The following RUNDC3B variants were observed in gnomAD, a reference collection of about 807,000 sequenced individuals.
The protein encoded by RUNDC3B is RUN domain containing 3B.
RUNDC3B carries 33 observed loss-of-function variants against 58.4 expected under a neutral mutation model. The observed-to-expected ratio is 0.56, with a 90% CI of 0.43 to 0.75. RUNDC3B has a LOEUF of 0.75. RUNDC3B is among the 30% of genes least tolerant of loss of function. The probability of loss-of-function intolerance (pLI) is 0.00; values close to 1 mark genes in which losing one functional copy is unlikely to be tolerated. For synonymous variants in RUNDC3B, 193 were observed against 195.2 expected (o/e 0.99, Z 0.10); for missense variants, 501 against 535.7 (o/e 0.94, Z 0.64).
chr7:87,762,393 A>G (rs1157494632), intron 6 of RUNDC3B, among the ~76,000 whole-genome samples: 2 of 151,356 alleles, frequency 1.3e-5, no homozygotes, highest in Non-Finnish European at 3.0e-5. Context: ...TTTTACATCC[A>G]TATGTGTATG....
intron 6 of RUNDC3B, among the ~76,000 whole-genome samples, chr7:87,766,465 T>C (rs1312045383): frequency 6.6e-6 from 1 of 152,178 alleles, no homozygotes; most frequent in Non-Finnish European, 1.5e-5. Flanking sequence ...AGTGCTTGCT[T>C]GTCTGGGGAA....
intron 6 of RUNDC3B, among the ~76,000 whole-genome samples, chr7:87,743,629 T>C (rs979534374): frequency 1.3e-5 from 2 of 152,222 alleles, no homozygotes; most frequent in African/African-American, 2.4e-5. Context: ...GAATGGTCTA[T>C]TCATGTCCGT....
chr7:87,698,762 A>G (rs1273642403), intron 2 of RUNDC3B, among the ~76,000 whole-genome samples: 1 of 152,202 alleles, frequency 6.6e-6, no homozygotes, highest in Non-Finnish European at 1.5e-5. Flanking sequence ...ACCGCCTAAT[A>G]TGTGAAATAA....
chr7:87,734,927 A>C (rs964977391), intron 4 of RUNDC3B, among the ~76,000 whole-genome samples: 6 of 152,078 alleles, frequency 3.9e-5, no homozygotes, highest in African/African-American at 1.4e-4. Flanking sequence ...TCCACTTAAC[A>C]TCTGACTGTT....
At chr7:87,677,223 A>T (rs1462147545) in intron 2 of RUNDC3B, among the ~76,000 whole-genome samples, 1 of 151,844 alleles carries the variant, frequency 6.6e-6, no homozygotes, top group East Asian at 1.9e-4. Flanking sequence ...ATATTAAGAC[A>T]ACCTAAGTAG....
intron 6 of RUNDC3B, among the ~76,000 whole-genome samples, chr7:87,745,860 C>T (rs1322865296): frequency 6.6e-6 from 1 of 151,876 alleles, no homozygotes; most frequent in Non-Finnish European, 1.5e-5. Context: ...TTGATTTGTT[C>T]TTGTTTCTCT....
intron 1 of RUNDC3B, among the ~76,000 whole-genome samples, chr7:87,639,121 T>A (rs1427458844): frequency 8.4e-6 from 1 of 118,990 alleles, no homozygotes; most frequent in Non-Finnish European, 1.6e-5. Flanking sequence ...ACCACTGCAC[T>A]CCAGCCTGGG....
At chr7:87,656,510 A>G (rs1323934444) in intron 2 of RUNDC3B, among the ~76,000 whole-genome samples, 1 of 151,984 alleles carries the variant, frequency 6.6e-6, no homozygotes, top group Non-Finnish European at 1.5e-5. Flanking sequence ...AAGAGAAAAT[A>G]TCAAGGTTTG....
At chr7:87,822,653 A>G (rs939174826) in intron 10 of RUNDC3B, among the ~76,000 whole-genome samples, 2 of 152,160 alleles carry the variant, frequency 1.3e-5, no homozygotes, top group African/African-American at 2.4e-5. Flanking sequence ...GTCCAACAAC[A>G]ATAGACTGGA....
intron 6 of RUNDC3B, among the ~76,000 whole-genome samples, chr7:87,742,382 A>G (rs900800622): frequency 6.6e-6 from 1 of 152,072 alleles, no homozygotes; most frequent in African/African-American, 2.4e-5. Context: ...CAAGTCCCCA[A>G]AGTCCACAAT....
chr7:87,669,394 A>G (rs990391909), intron 2 of RUNDC3B, among the ~76,000 whole-genome samples: 5 of 152,132 alleles, frequency 3.3e-5, no homozygotes, highest in African/African-American at 1.2e-4. Context: ...GGTCTCTTGA[A>G]CACAGCATAC....
At chr7:87,698,188 C>A (rs903220103) in intron 2 of RUNDC3B, among the ~76,000 whole-genome samples, 3 of 152,208 alleles carry the variant, frequency 2.0e-5, no homozygotes, top group African/African-American at 7.2e-5. Context: ...CAAGCTCCAC[C>A]TCCCGGGTTC....
At chr7:87,651,019 G>C in intron 2 of RUNDC3B, 82 bp downstream of exon 2, 1 of 777,764 alleles carries the variant, frequency 1.3e-6, no homozygotes. Flanking sequence ...TACAGTCTGT[G>C]TGACTTAGAT....
chr7:87,779,875 C>T (rs146070074), intron 8 of RUNDC3B, among the ~76,000 whole-genome samples: 119 of 151,588 alleles, frequency 7.9e-4, no homozygotes, highest in African/African-American at 2.7e-3. Flanking sequence ...TAAGTGAGAA[C>T]ATGAGGTATT....
intron 2 of RUNDC3B, among the ~76,000 whole-genome samples, chr7:87,652,431 A>C (rs1473098647): frequency 1.3e-5 from 2 of 152,002 alleles, no homozygotes; most frequent in Non-Finnish European, 2.9e-5. Context: ...ATTTCTAAAC[A>C]ATCAAATCCA....
At chr7:87,682,893 T>C (rs1418256107) in intron 2 of RUNDC3B, among the ~76,000 whole-genome samples, 1 of 152,224 alleles carries the variant, frequency 6.6e-6, no homozygotes, top group Non-Finnish European at 1.5e-5. Flanking sequence ...TCTTTTACTA[T>C]GAAAGGTTTA....
intron 1 of RUNDC3B, among the ~76,000 whole-genome samples, chr7:87,649,814 G>A (rs1331632943): frequency 6.6e-6 from 1 of 152,122 alleles, no homozygotes; most frequent in Non-Finnish European, 1.5e-5. Context: ...CCTTTCCCAT[G>A]CTGTTCTTGT....
At chr7:87,698,843 G>A (rs573194731) in intron 2 of RUNDC3B, among the ~76,000 whole-genome samples, 3 of 152,282 alleles carry the variant, frequency 2.0e-5, no homozygotes, top group African/African-American at 7.2e-5. Context: ...TAGCTGTTGG[G>A]ATCATACATG....
chr7:87,693,998 C>G (rs760487690), intron 2 of RUNDC3B: 1 of 1,606,148 alleles, frequency 6.2e-7, no homozygotes, highest in Non-Finnish European at 8.5e-7. Context: ...CTGAGCTGCA[C>G]GGGAGCATGG....
Sources: allele counts gnomAD v4.1 joint callset (sites outside exome capture counted in the v4.1 genomes callset), GRCh38; gene constraint gnomAD v4.1.1; transcripts MANE v1.5; gene names NCBI Gene and HGNC (gene_info 2026-07-23, HGNC 2026-07-21).